KAZN: variants seen among roughly 807,000 people sequenced by gnomAD.
KAZN encodes the protein kazrin.
A neutral mutation model predicts 87.4 loss-of-function variants in KAZN; 40 were observed. The observed-to-expected ratio is 0.46, with a 90% CI of 0.36 to 0.60. The LOEUF is 0.60. Among genes scored for constraint, KAZN ranks in the 20% least tolerant of loss-of-function variants. The probability of loss-of-function intolerance (pLI) is 0.00; values close to 1 mark genes in which losing one functional copy is unlikely to be tolerated. For synonymous variants in KAZN, 466 were observed against 458.3 expected (o/e 1.02, Z -0.22); for missense variants, 898 against 1,073.9 (o/e 0.84, Z 2.29).
intron 2 of KAZN, among the ~76,000 whole-genome samples, chr1:15,032,854 C>T (rs1276960838): frequency 2.0e-5 from 3 of 151,826 alleles, no homozygotes; most frequent in African/African-American, 2.4e-5. Flanking sequence ...GAGGCTGAGG[C>T]AGGAGAATCA....
At chr1:14,625,345 C>A (rs527951366) in intron 1 of KAZN, among the ~76,000 whole-genome samples, 1 of 152,144 alleles carries the variant, frequency 6.6e-6, no homozygotes, top group Non-Finnish European at 1.5e-5. Flanking sequence ...GGTGGCCCCC[C>A]TCACACTGCA....
intron 2 of KAZN, among the ~76,000 whole-genome samples, chr1:14,312,541 G>C (rs1001341121): frequency 6.6e-6 from 1 of 152,154 alleles, no homozygotes; most frequent in Non-Finnish European, 1.5e-5. Context: ...ACCCAAGTTA[G>C]CCTGGTGCCT....
At chr1:14,566,632 G>T (rs893926958) in intron 2 of KAZN, among the ~76,000 whole-genome samples, 1 of 152,216 alleles carries the variant, frequency 6.6e-6, no homozygotes, top group African/African-American at 2.4e-5. Context: ...AAAATCTGTT[G>T]TTTGGTGTAG....
chr1:14,886,005 C>A, intron 1 of KAZN, among the ~76,000 whole-genome samples: 1 of 152,032 alleles, frequency 6.6e-6, no homozygotes, highest in East Asian at 1.9e-4. Flanking sequence ...CCATTAGATG[C>A]CAGTAACACC....
chr1:14,795,281 G>A (rs1357621220), intron 1 of KAZN, among the ~76,000 whole-genome samples: 1 of 152,164 alleles, frequency 6.6e-6, no homozygotes, highest in African/African-American at 2.4e-5. Context: ...ATGAGAAGCA[G>A]TCCGTGAAAG....
At chr1:14,882,957 C>T (rs986322092) in intron 1 of KAZN, among the ~76,000 whole-genome samples, 1 of 152,086 alleles carries the variant, frequency 6.6e-6, no homozygotes, top group Non-Finnish European at 1.5e-5. Flanking sequence ...CAAATTCAGA[C>T]ATCTCTCTCC....
chr1:14,837,788 C>A (rs557233950), intron 1 of KAZN, among the ~76,000 whole-genome samples: 1 of 151,850 alleles, frequency 6.6e-6, no homozygotes, highest in Non-Finnish European at 1.5e-5. Flanking sequence ...CTCCTGGATT[C>A]GAGCAATCCC....
chr1:14,460,993 C>T (rs1382832027), intron 2 of KAZN, among the ~76,000 whole-genome samples: 1 of 152,120 alleles, frequency 6.6e-6, no homozygotes, highest in Non-Finnish European at 1.5e-5. Context: ...GTATCTGGAC[C>T]CTGCGCTGTC....
chr1:14,470,406 A>G (rs1484877806), intron 2 of KAZN, among the ~76,000 whole-genome samples: 1 of 152,208 alleles, frequency 6.6e-6, no homozygotes, highest in African/African-American at 2.4e-5. Context: ...GGCAAGAGGA[A>G]GGGAAACTAA....
At chr1:14,130,876 G>T in intron 1 of KAZN, among the ~76,000 whole-genome samples, 1 of 80,818 alleles carries the variant, frequency 1.2e-5, no homozygotes, top group East Asian at 5.2e-4. Context: ...GGGAAACAAT[G>T]ATTAATCATT....
intron 1 of KAZN, among the ~76,000 whole-genome samples, chr1:13,969,904 A>G (rs1314311590): frequency 6.6e-6 from 1 of 152,186 alleles, no homozygotes; most frequent in Non-Finnish European, 1.5e-5. Context: ...TGATTCTTAA[A>G]CTGATTCTGT....
chr1:14,949,312 G>A lies in KAZN; in HGVS notation c.227-11372G>A, dbSNP rs1251330103. ...AAAACAAAAAAAAGAAAAAGAAAAT[G>A]TGCTCACTGAGGGCTGGAGGAGGCA... On this transcript the variant is annotated intron_variant, in intron 1 of 14. Transcript: ENST00000376030. This position sits in a 1 kb window ranked among gnomAD's most constrained non-coding sequence, Gnocchi z 4.3. Among the ~76,000 whole-genome samples, 1 of 151,872 alleles carries A rather than the reference G, an allele frequency of 6.6e-6. No individual in the cohort carries two copies. Among genetic ancestry groups the A allele is most frequent in the Non-Finnish European group, 1.5e-5 (1 of 68,028 alleles).
intron 2 of KAZN, among the ~76,000 whole-genome samples, chr1:14,483,863 C>T (rs1009375786): frequency 2.5e-4 from 38 of 152,240 alleles, no homozygotes; most frequent in Middle Eastern, 6.8e-3. Context: ...AGCCATTGCC[C>T]TATGTTTTCT....
At chr1:14,917,849 T>TCTTTCTTC (rs1657977758) in intron 1 of KAZN, among the ~76,000 whole-genome samples, 2 of 148,792 alleles carry the variant, frequency 1.3e-5, no homozygotes, top group South Asian at 2.2e-4. Flanking sequence ...CTTCTTTCTT[T>TCTTTCTTC]CTTCCTTCCT....
At chr1:14,612,759 C>T (rs374065573) in intron 1 of KAZN, among the ~76,000 whole-genome samples, 4 of 152,272 alleles carry the variant, frequency 2.6e-5, no homozygotes, top group East Asian at 1.9e-4. Flanking sequence ...CATTATGTGA[C>T]AGTCAACATC....
intron 1 of KAZN, among the ~76,000 whole-genome samples, chr1:14,120,855 C>T (rs1033528319): frequency 6.6e-6 from 1 of 152,138 alleles, no homozygotes; most frequent in Non-Finnish European, 1.5e-5. Flanking sequence ...TAGGTTTTAG[C>T]TAATCAGAGC....
chr1:14,903,338 T>G (rs1194168762), intron 1 of KAZN, among the ~76,000 whole-genome samples: 1 of 152,228 alleles, frequency 6.6e-6, no homozygotes, highest in Non-Finnish European at 1.5e-5. Context: ...GCAGTGTCCC[T>G]GGGGCCGGTC....
At chr1:13,940,266 A>T in intron 1 of KAZN, among the ~76,000 whole-genome samples, 1 of 127,034 alleles carries the variant, frequency 7.9e-6, no homozygotes. Flanking sequence ...TGCTCCTGGG[A>T]GTTTTTCTGT....
chr1:14,050,192 A>C (rs1180461052), intron 1 of KAZN, among the ~76,000 whole-genome samples: 1 of 149,954 alleles, frequency 6.7e-6, no homozygotes, highest in African/African-American at 2.5e-5. Flanking sequence ...ATGTGTGTAC[A>C]CATATGTGCA....
Sources: gnomAD v4.1 joint callset for allele counts (sites outside exome capture counted in the v4.1 genomes callset) on GRCh38, gnomAD v4.1.1 for gene constraint, Gnocchi (gnomAD v3.1) non-coding constraint, MANE v1.5 for transcripts, NCBI Gene and HGNC (gene_info 2026-07-23, HGNC 2026-07-21) for gene names.